Variants in PCDHGA8 observed in about 807,000 individuals in gnomAD.
PCDHGA8 encodes the protein protocadherin gamma subfamily A, 8, also known as protocadherin gamma-A8.
In PCDHGA8, 45 loss-of-function variants were observed where a neutral mutation model predicts 59.2. The observed-to-expected ratio is 0.76, with a 90% CI of 0.60 to 0.98. PCDHGA8 has a LOEUF of 0.98. PCDHGA8 is among the 50% of genes least tolerant of loss of function. The probability of loss-of-function intolerance (pLI) is 0.00; values close to 1 mark genes in which losing one functional copy is unlikely to be tolerated. For synonymous variants in PCDHGA8, 531 were observed against 519.0 expected (o/e 1.02, Z -0.32); for missense variants, 1,257 against 1,196.2 (o/e 1.05, Z -0.75).
chr5:141,392,977 AC>A lies in PCDHGA8; in HGVS notation c.169del (p.Arg57GlyfsTer21), dbSNP rs1561639344. On this transcript the variant is annotated frameshift_variant, in exon 1 of 4. Coordinates refer to ENST00000398604, the MANE Select transcript of PCDHGA8 (RefSeq NM_032088.2). LOFTEE classifies it high-confidence loss of function. ...VGNISKDLGL[D>X]PRKLAKHGVR... ...AATATCTCCAAGGACCTGGGGCTGG[AC>A]CCCCGGAAGCTGGCGAAGCACGGAG... 6.2e-7 allele frequency: 1 copy of A among 1,613,678 alleles called. No homozygotes were observed. The highest frequency in any genetic ancestry group is 1.1e-5 in the South Asian group (1 of 91,056).
chr5:141,480,827 A>G (rs1455065731), intron 1 of PCDHGA8, among the ~76,000 whole-genome samples: 2 of 152,212 alleles, frequency 1.3e-5, no homozygotes, highest in Admixed American at 6.5e-5. Context: ...TGGGTGGATC[A>G]TAAGATCAGG....
rs773688197 is a variant in PCDHGA8 at position 141,432,412 on chromosome 5, C to A, written c.2424+37175C>A. 2.5e-6 allele frequency: 4 copies of A among 1,614,128 alleles called. No homozygotes were observed. The Admixed American group carries it at 6.7e-5, about 27-fold the overall frequency. On this transcript the variant is annotated intron_variant, in intron 1 of 3. Transcript: ENST00000398604. The surrounding 1 kb of genome is among the most constrained non-coding windows in gnomAD (Gnocchi z 6.0). ...GCAGCAACGTGTCGTTGAGCCTGTT[C>A]GTGCTGGACCAGAACGACAATGCGC...
chr5:141,437,892 C>A (rs2097916583), intron 1 of PCDHGA8, among the ~76,000 whole-genome samples: 2 of 152,116 alleles, frequency 1.3e-5, no homozygotes, highest in Admixed American at 1.3e-4. Context: ...CACACGCCAC[C>A]ACACCCAGCT....
intron 1 of PCDHGA8, among the ~76,000 whole-genome samples, chr5:141,472,677 C>T (rs1275941416): frequency 6.6e-6 from 1 of 151,658 alleles, no homozygotes; most frequent in Non-Finnish European, 1.5e-5. Context: ...ACTGGTCCTT[C>T]CATTTCCCCT....
At chr5:141,404,395 CA>C (rs2094524205) in intron 1 of PCDHGA8, 7 of 1,613,768 alleles carry the variant, frequency 4.3e-6, no homozygotes, top group Non-Finnish European at 5.9e-6. Flanking sequence ...ACCCTGATAG[CA>C]ATGAGAATTC....
chr5:141,492,548 C>T (rs1028674110), intron 1 of PCDHGA8, among the ~76,000 whole-genome samples: 5 of 152,218 alleles, frequency 3.3e-5, no homozygotes, highest in African/African-American at 9.6e-5. Flanking sequence ...TGGGCCGGGT[C>T]GCCTGGGGGG....
rs1225635250 is a variant in PCDHGA8 at position 141,394,811 on chromosome 5, C to T, written c.1998C>T (p.Asp666=). Residue 666 remains aspartate, a synonymous_variant, in exon 1 of 4, where the codon GAC becomes GAT. Transcript: ENST00000398604. ...ATVTLTVAVA[D]SIPEVLTELG... is the part of the protein sequence containing the mutation. Reference sequence around the variant, plus strand: ...TCACGCTCACCGTAGCCGTGGCTGACAGCATCCCCGAAGTCCTGACCGAGT... The same window carrying T: ...TCACGCTCACCGTAGCCGTGGCTGATAGCATCCCCGAAGTCCTGACCGAGT... The T allele has an allele frequency of 6.2e-7, 1 of 1,613,888 alleles. No individual in the cohort carries two copies. The highest frequency in any genetic ancestry group is 1.3e-5 in the African/African-American group (1 of 75,072).
chr5:141,490,473 T>C lies in PCDHGA8; in HGVS notation c.2425-4334T>C. 6.2e-7 allele frequency: 1 copy of C among 1,614,228 alleles called. No homozygotes were observed. Among genetic ancestry groups the C allele is most frequent in the East Asian group, 2.2e-5 (1 of 44,878 alleles). On this transcript the variant is annotated intron_variant, in intron 1 of 3. Transcript: ENST00000398604. This position sits in a 1 kb window ranked among gnomAD's most constrained non-coding sequence, Gnocchi z 5.4. ...ACTACTCGCTGCTAACCAGCCAGCC[T>C]TTGGACCGGGAGGCCACATCCCACT...
chr5:141,421,791 T>TG, intron 1 of PCDHGA8: 1 of 1,613,792 alleles, frequency 6.2e-7, no homozygotes, highest in Non-Finnish European at 8.5e-7. Flanking sequence ...GCAGAACGGA[T>TG]GGGGCCAAGA....
chr5:141,417,518 G>C (rs193231266), intron 1 of PCDHGA8: 8 of 257,454 alleles, frequency 3.1e-5, no homozygotes, highest in Non-Finnish European at 5.1e-5. Context: ...TATTTTGGCT[G>C]TCAACTCGTA....
intron 2 of PCDHGA8, among the ~76,000 whole-genome samples, chr5:141,496,733 C>A (rs1221912777): frequency 6.6e-6 from 1 of 152,138 alleles, no homozygotes; most frequent in Non-Finnish European, 1.5e-5. Context: ...TGTATTCATT[C>A]GTTCATTTAT....
intron 1 of PCDHGA8, chr5:141,415,029 G>T (rs777967290): frequency 8.1e-6 from 13 of 1,613,554 alleles, no homozygotes; most frequent in Non-Finnish European, 1.0e-5. Context: ...CCAGCGAGCC[G>T]GGACTCTTCG....
At chr5:141,453,014 G>A (rs2098753820) in intron 1 of PCDHGA8, among the ~76,000 whole-genome samples, 1 of 152,206 alleles carries the variant, frequency 6.6e-6, no homozygotes, top group Non-Finnish European at 1.5e-5. Flanking sequence ...GTATAGTTAT[G>A]TGATTCATTA....
intron 1 of PCDHGA8, among the ~76,000 whole-genome samples, chr5:141,444,885 T>C (rs547403761): frequency 6.6e-6 from 1 of 152,320 alleles, no homozygotes; most frequent in African/African-American, 2.4e-5. Flanking sequence ...TGTAGGATTT[T>C]TGAATGGGAT....
rs542248328 is a variant in PCDHGA8, at chr5:141,432,682, C to T, written c.2424+37445C>T. ...TGGACAGAGACGCGCTCAAGCAGAG[C>T]CTCGTAGTGGCCGTCCAGGACCACG... On this transcript the variant is annotated intron_variant, in intron 1 of 3. Coordinates refer to ENST00000398604, the MANE Select transcript of PCDHGA8 (RefSeq NM_032088.2). This position sits in a 1 kb window ranked among gnomAD's most constrained non-coding sequence, Gnocchi z 6.0. The T allele has an allele frequency of 6.5e-5, 105 of 1,613,976 alleles. No homozygotes were observed. In the African/African-American group the frequency reaches 1.1e-3, roughly 17 times the overall value.
chr5:141,431,114 G>T lies in PCDHGA8; in HGVS notation c.2424+35877G>T. On this transcript the variant is annotated intron_variant, in intron 1 of 3. Coordinates refer to ENST00000398604, the MANE Select transcript of PCDHGA8 (RefSeq NM_032088.2). This position sits in a 1 kb window ranked among gnomAD's most constrained non-coding sequence, Gnocchi z 4.8. The stretch of plus-strand genomic sequence containing the variant: ...GGAGGATAAAGTGAAAATATATGGA[G>T]TAGAAGTAGAAGTAAGGGACATTAA... 6.2e-7 allele frequency: 1 copy of T among 1,614,158 alleles called. No individual in the cohort carries two copies.
At chr5:141,409,039 C>A (rs2095214342) in intron 1 of PCDHGA8, 1 of 1,614,004 alleles carries the variant, frequency 6.2e-7, no homozygotes, top group Non-Finnish European at 8.5e-7. Flanking sequence ...AGATAAACTA[C>A]TACTTCCGAA....
chr5:141,392,891 C>T lies in PCDHGA8; in HGVS notation c.78C>T (p.Ile26=). ...LCALLGTLWE[I]GRGQIRYSVP... is the part of the protein sequence containing the mutation. The stretch of plus-strand genomic sequence containing the variant: ...CGCTGCTGGGAACGCTGTGGGAAAT[C>T]GGGAGGGGACAGATTCGCTACTCTG... The change falls in exon 1 of 4, where the codon ATC becomes ATT. Residue 26 remains isoleucine (I), a synonymous_variant. Transcript: ENST00000398604. 6.2e-7 allele frequency: 1 copy of T among 1,613,594 alleles called. No homozygotes were observed.
chr5:141,468,433 A>G (rs2099167290), intron 1 of PCDHGA8: 1 of 152,202 alleles, frequency 6.6e-6, no homozygotes, highest in Non-Finnish European at 1.5e-5. Context: ...GGTAATAGCA[A>G]AATGTGGGTG....
Sources: gnomAD v4.1 joint callset for allele counts (sites outside exome capture counted in the v4.1 genomes callset) on GRCh38, gnomAD v4.1.1 for gene constraint, Gnocchi (gnomAD v3.1) non-coding constraint, MANE v1.5 for transcripts, NCBI Gene and HGNC (gene_info 2026-07-23, HGNC 2026-07-21) for gene names.